The following RAD51B variants were observed in gnomAD, a reference collection of about 807,000 sequenced individuals.
RAD51B encodes DNA repair protein RAD51 homolog 2.
A neutral mutation model predicts 42.2 loss-of-function variants in RAD51B; 38 were observed. The ratio of observed to expected loss-of-function variants is 0.90; its 90% CI spans 0.70 to 1.18. RAD51B has a LOEUF of 1.18. Among genes scored for constraint, RAD51B ranks in the 50% most tolerant of loss-of-function variants. The pLI is 0.00. For missense variants in RAD51B, 373 were observed against 400.7 expected (o/e 0.93, Z 0.59); for synonymous variants, 154 against 145.2 (o/e 1.06, Z -0.43).
intron 10 of RAD51B, among the ~76,000 whole-genome samples, chr14:68,575,495 G>A (rs1427589539): frequency 6.6e-6 from 1 of 152,126 alleles, no homozygotes; most frequent in Non-Finnish European, 1.5e-5. Context: ...CTCTTCCCTG[G>A]GTCTTAGGCC....
chr14:68,133,636 T>C (rs2077946599), intron 7 of RAD51B, among the ~76,000 whole-genome samples: 1 of 152,040 alleles, frequency 6.6e-6, no homozygotes, highest in Non-Finnish European at 1.5e-5. Flanking sequence ...CACGCCTGGC[T>C]AATTTTTGTA....
At chr14:68,506,341 C>T (rs1168510049) in intron 10 of RAD51B, among the ~76,000 whole-genome samples, 1 of 152,204 alleles carries the variant, frequency 6.6e-6, no homozygotes, top group Non-Finnish European at 1.5e-5. Context: ...CCCTGCCACC[C>T]ATAGCTCATT....
intron 8 of RAD51B, among the ~76,000 whole-genome samples, chr14:68,303,738 C>A (rs2081798660): frequency 6.6e-6 from 1 of 152,206 alleles, no homozygotes; most frequent in African/African-American, 2.4e-5. Context: ...GGAGAGATTT[C>A]TTTGGTATAC....
Position 68,411,526 on chromosome 14 carries a change from A to G in RAD51B, c.956A>G (p.Gln319Arg). Reference protein sequence around the residue: ...ILQYLDSERRQILIAKSPLAP... With the variant: ...ILQYLDSERRRILIAKSPLAP... ...CAGTACCTTGATTCAGAGAGAAGAC[A>G]GGTGGGTGCTTTGACAGTATTCTCT... The change falls in exon 9 of 11, where the codon CAG becomes CGG. Residue 319 changes from glutamine (Q) to arginine (R), a missense_variant and splice_region_variant. Gln to Arg is a conservative substitution (Grantham distance 43, BLOSUM62 1). Coordinates refer to ENST00000471583, the MANE Select transcript of RAD51B (RefSeq NM_133510.4). 1 of 1,613,264 alleles carries G rather than the reference A, an allele frequency of 6.2e-7. No homozygotes were observed. Among genetic ancestry groups the G allele is most frequent in the Non-Finnish European group, 8.5e-7 (1 of 1,179,244 alleles).
chr14:67,861,365 A>G (rs550181560), intron 4 of RAD51B, among the ~76,000 whole-genome samples: 1 of 152,230 alleles, frequency 6.6e-6, no homozygotes, highest in East Asian at 1.9e-4. Flanking sequence ...TTAGCTGGGC[A>G]TGGTGGCTCA....
At chr14:68,562,457 G>A in intron 10 of RAD51B, 1 of 983,404 alleles carries the variant, frequency 1.0e-6, no homozygotes, top group Non-Finnish European at 1.2e-6. Flanking sequence ...TCAGCTGTGG[G>A]GGATTTTGTG....
chr14:68,471,216 G>A lies in RAD51B; in HGVS notation c.1036+2966G>A, dbSNP rs74059321. Among the ~76,000 whole-genome samples the A allele has an allele frequency of 4.8e-3, 732 of 152,184 alleles. 7 individuals are homozygous for A. The highest frequency in any genetic ancestry group is 0.016 in the African/African-American group (677 of 41,520). ...TGTGCTGCCAACTAGAAGGGAGGCC[G>A]CCAGCCACTGTGGCCGACATTCGGT... is the stretch of plus-strand genomic sequence containing the variant. On this transcript the variant is annotated intron_variant, in intron 10 of 10. Coordinates refer to ENST00000471583, the MANE Select transcript of RAD51B (RefSeq NM_133510.4).
intron 7 of RAD51B, among the ~76,000 whole-genome samples, chr14:68,215,900 G>A (rs2079804644): frequency 6.6e-6 from 1 of 152,112 alleles, no homozygotes; most frequent in Admixed American, 6.5e-5. Context: ...AGGCTCTTAT[G>A]GGATTTTTTT....
intron 10 of RAD51B, among the ~76,000 whole-genome samples, chr14:68,573,951 G>GGGGTGT (rs1566942298): frequency 6.8e-6 from 1 of 147,912 alleles, no homozygotes; most frequent in Non-Finnish European, 1.5e-5. Flanking sequence ...TGTGTGTGTG[G>GGGGTGT]GGGTGTGGGT....
chr14:68,020,998 A>T (rs1049741227), intron 7 of RAD51B, among the ~76,000 whole-genome samples: 1 of 152,170 alleles, frequency 6.6e-6, no homozygotes, highest in East Asian at 1.9e-4. Context: ...TGTTAAGTGG[A>T]TTCACAGAGA....
chr14:68,181,314 C>T (rs116719742), intron 7 of RAD51B, among the ~76,000 whole-genome samples: 166 of 152,232 alleles, frequency 1.1e-3, no homozygotes, highest in African/African-American at 3.8e-3. Context: ...TTTATGAGAG[C>T]GGATTGTGGG....
chr14:68,370,402 C>G (rs2083229750), intron 8 of RAD51B, among the ~76,000 whole-genome samples: 1 of 152,172 alleles, frequency 6.6e-6, no homozygotes, highest in African/African-American at 2.4e-5. Context: ...TTCACAACAA[C>G]CTAGTAAGGC....
intron 9 of RAD51B, among the ~76,000 whole-genome samples, chr14:68,425,257 T>G (rs970546305): frequency 6.6e-6 from 1 of 152,324 alleles, no homozygotes; most frequent in South Asian, 2.1e-4. Context: ...TTTCATATCC[T>G]AATAGTCTAA....
rs569277180 is a variant in RAD51B at position 68,166,320 on chromosome 14, A to G, written c.757-125564A>G. ...AAGGTGCTGTAACCAATAGGTACAA[A>G]ATACTAATTATTATTTTTACAGTTC... On this transcript the variant is annotated intron_variant, in intron 7 of 10. Coordinates refer to ENST00000471583, the MANE Select transcript of RAD51B (RefSeq NM_133510.4). Among the ~76,000 whole-genome samples, 8 of 152,240 alleles carry G rather than the reference A, an allele frequency of 5.3e-5. No individual in the cohort carries two copies. The East Asian group carries it at 1.5e-3, about 29-fold the overall frequency.
At chr14:68,248,320 G>A (rs1279762339) in intron 7 of RAD51B, among the ~76,000 whole-genome samples, 1 of 152,072 alleles carries the variant, frequency 6.6e-6, no homozygotes, top group Non-Finnish European at 1.5e-5. Flanking sequence ...TTAAAATTGG[G>A]TTTTTGAGGT....
chr14:68,453,318 G>C (rs1169205155), intron 9 of RAD51B, among the ~76,000 whole-genome samples: 1 of 152,086 alleles, frequency 6.6e-6, no homozygotes, highest in Non-Finnish European at 1.5e-5. Flanking sequence ...GCAAATAATA[G>C]AACACATGAA....
chr14:68,055,818 G>A (rs1009995039), intron 7 of RAD51B, among the ~76,000 whole-genome samples: 3 of 152,160 alleles, frequency 2.0e-5, no homozygotes, highest in Non-Finnish European at 2.9e-5. Context: ...TCTACACAGT[G>A]AGCAAAGAGA....
chr14:68,263,509 A>G (rs539703671), intron 7 of RAD51B, among the ~76,000 whole-genome samples: 1 of 152,338 alleles, frequency 6.6e-6, no homozygotes, highest in African/African-American at 2.4e-5. Flanking sequence ...TTATAATAAT[A>G]TTCATTATCA....
At chr14:68,659,614 C>T (rs1892892816) in intron 11 of RAD51B, among the ~76,000 whole-genome samples, 1 of 152,192 alleles carries the variant, frequency 6.6e-6, no homozygotes, top group South Asian at 2.1e-4. Flanking sequence ...TGCACCGGGG[C>T]AAGCCAAGGG....
Sources: allele counts gnomAD v4.1 joint callset (sites outside exome capture counted in the v4.1 genomes callset), GRCh38; gene constraint gnomAD v4.1.1; transcripts MANE v1.5; gene names NCBI Gene and HGNC (gene_info 2026-07-23, HGNC 2026-07-21).